The following CAMK2G variants were observed in gnomAD, a reference collection of about 807,000 sequenced individuals.
CAMK2G encodes calcium/calmodulin-dependent protein kinase type II subunit gamma.
In CAMK2G, 23 loss-of-function variants were observed where a neutral mutation model predicts 88.7. That is an observed-to-expected ratio of 0.26 (90% CI 0.19 to 0.37). The LOEUF (loss-of-function observed/expected upper bound fraction) is 0.37. CAMK2G is among the 10% of genes least tolerant of loss of function. The pLI is 1.00. For synonymous variants in CAMK2G, 263 were observed against 294.8 expected (o/e 0.89, Z 1.11); for missense variants, 476 against 780.8 (o/e 0.61, Z 4.65).
intron 19 of CAMK2G, chr10:73,817,894 G>T (rs140307435): frequency 6.3e-6 from 2 of 315,738 alleles, no homozygotes; most frequent in East Asian, 1.1e-4. Context: ...CCCCTCCCCT[G>T]TATGAGCAGC....
chr10:73,868,387 G>A (rs1486554291), intron 2 of CAMK2G, among the ~76,000 whole-genome samples: 1 of 152,186 alleles, frequency 6.6e-6, no homozygotes. Context: ...GAGGGGGACA[G>A]GCCAGTGTTG....
intron 19 of CAMK2G, chr10:73,818,892 G>GT (rs1565165561): frequency 2.2e-6 from 1 of 449,572 alleles, no homozygotes; most frequent in East Asian, 7.0e-5. Flanking sequence ...CAGCACAGAC[G>GT]TAACTAGAAA....
chr10:73,842,679 C>T lies in CAMK2G; in HGVS notation c.820-138G>A, dbSNP rs1239983977. The T allele has an allele frequency of 6.3e-6, 4 of 638,770 alleles. No individual in the cohort carries two copies. The highest frequency in any genetic ancestry group is 1.1e-5 in the Non-Finnish European group (4 of 359,186). The allele number at this position is 638,770 out of a possible 1,614,324, so 39.6% of individuals were successfully genotyped here. A position where few individuals can be genotyped will look rare whatever the true frequency, so the allele number is the denominator to read the frequency against. On this transcript the variant is annotated intron_variant, in intron 10 of 22. Coordinates refer to ENST00000423381, the MANE Select transcript of CAMK2G (RefSeq NM_001367534.1). This position sits in a 1 kb window ranked among gnomAD's most constrained non-coding sequence, Gnocchi z 4.6. ...TTGCTCTGAAGATGAAATGAGGTCA[C>T]AGATGTGAAAACGCTTTTAGAATAA...
chr10:73,867,419 G>A (rs966696952), intron 2 of CAMK2G, among the ~76,000 whole-genome samples: 5 of 152,224 alleles, frequency 3.3e-5, no homozygotes, highest in Non-Finnish European at 7.3e-5. Context: ...CAGGGCTCCC[G>A]GTGCCTGCAG....
intron 2 of CAMK2G, among the ~76,000 whole-genome samples, chr10:73,868,809 C>A (rs2095690858): frequency 6.6e-6 from 1 of 152,210 alleles, no homozygotes; most frequent in African/African-American, 2.4e-5. Flanking sequence ...GGCGGGGACT[C>A]TCAGCTGGCA....
At chr10:73,860,625 G>A (rs541329465) in intron 3 of CAMK2G, among the ~76,000 whole-genome samples, 1 of 152,200 alleles carries the variant, frequency 6.6e-6, no homozygotes, top group Non-Finnish European at 1.5e-5. Flanking sequence ...CCAGCCCTGA[G>A]AAGGTGCCGC....
intron 10 of CAMK2G, 73 bp downstream of exon 10, chr10:73,847,152 G>A: frequency 6.7e-7 from 1 of 1,497,316 alleles, no homozygotes; most frequent in Non-Finnish European, 9.3e-7. Context: ...CTGGTAAGAA[G>A]GAGGGGGTGG....
chr10:73,815,180 C>G lies in CAMK2G; in HGVS notation c.1602G>C (p.Glu534Asp). 1.9e-6 allele frequency: 3 copies of G among 1,614,260 alleles called. No homozygotes were observed. Among genetic ancestry groups the G allele is most frequent in the Non-Finnish European group, 8.5e-7 (1 of 1,180,042 alleles). Residue 534 changes from glutamate to aspartate, a missense_variant, in exon 22 of 23, where the codon GAG becomes GAC. By Grantham distance (45) the Glu-to-Asp change is conservative. This residue lies in a region of CAMK2G where 278 missense variants were observed against 366.5 expected (regional missense o/e 0.76). Transcript: ENST00000423381. Reference protein sequence around the residue: ...ILNPHVHVIGEDAACIAYIRL... With the variant: ...ILNPHVHVIGDDAACIAYIRL... Reference sequence around the variant, plus strand: ...GGATGTAGGCGATGCACGCTGCGTCCTCCCCAATCACGTGGACGTGTGGGT... The same window carrying G: ...GGATGTAGGCGATGCACGCTGCGTCGTCCCCAATCACGTGGACGTGTGGGT...
At chr10:73,871,625 C>T (rs1326219686) in intron 2 of CAMK2G, among the ~76,000 whole-genome samples, 1 of 152,132 alleles carries the variant, frequency 6.6e-6, no homozygotes, top group Non-Finnish European at 1.5e-5. Flanking sequence ...TGTTGTCCCC[C>T]CCACCCCCAC....
chr10:73,873,244 G>T, intron 1 of CAMK2G, 161 bp from the exon 2 acceptor site: 1 of 1,041,608 alleles, frequency 9.6e-7, no homozygotes, highest in Non-Finnish European at 1.4e-6. Context: ...CCAACATGAG[G>T]CAAAAGGACG....
At chr10:73,831,766 G>C (rs1353921612) in intron 14 of CAMK2G, among the ~76,000 whole-genome samples, 1 of 146,704 alleles carries the variant, frequency 6.8e-6, no homozygotes, top group Non-Finnish European at 1.5e-5. Context: ...AGGCTGAGGT[G>C]GAAGAATCAC....
chr10:73,845,563 C>T (rs191529332), intron 10 of CAMK2G, among the ~76,000 whole-genome samples: 5 of 147,326 alleles, frequency 3.4e-5, no homozygotes, highest in South Asian at 2.1e-4. Context: ...GGCGACAGAG[C>T]GAGACTCCAT....
intron 12 of CAMK2G, among the ~76,000 whole-genome samples, chr10:73,840,298 C>T (rs541568647): frequency 6.6e-6 from 1 of 152,348 alleles, no homozygotes; most frequent in African/African-American, 2.4e-5. Context: ...GCAATACACT[C>T]TGGAGGCCCC....
At chr10:73,865,688 C>T (rs759664369) in intron 2 of CAMK2G, among the ~76,000 whole-genome samples, 6 of 152,196 alleles carry the variant, frequency 3.9e-5, no homozygotes, top group African/African-American at 7.2e-5. Context: ...CCAAAAAGGG[C>T]GAGGCCACTG....
At chr10:73,814,968 C>T (rs751519320) in intron 22 of CAMK2G, 35 bp downstream of exon 22, 60 of 1,445,490 alleles carry the variant, frequency 4.2e-5, no homozygotes, top group Non-Finnish European at 5.4e-5. Context: ...TATCCCAGGC[C>T]CTTCCAGCCC....
intron 2 of CAMK2G, among the ~76,000 whole-genome samples, chr10:73,871,499 T>C (rs1349015048): frequency 6.6e-6 from 1 of 152,156 alleles, no homozygotes; most frequent in Non-Finnish European, 1.5e-5. Flanking sequence ...CCAGCCCTGT[T>C]TCTGATGCAC....
At chr10:73,857,926 C>A (rs1202874493) in intron 3 of CAMK2G, among the ~76,000 whole-genome samples, 1 of 152,214 alleles carries the variant, frequency 6.6e-6, no homozygotes, top group Non-Finnish European at 1.5e-5. Context: ...CAAAATTGAG[C>A]GGAAAGTACA....
chr10:73,839,715 C>G lies in CAMK2G; in HGVS notation c.947-114G>C. ...AGGCGGCGTGGCCAAGCCAGCCGAG[C>G]TGGGGGAGCGGAGCGCCAGGGGCAG... On this transcript the variant is annotated intron_variant, in intron 12 of 22. Coordinates refer to ENST00000423381, the MANE Select transcript of CAMK2G (RefSeq NM_001367534.1). This position sits in a 1 kb window ranked among gnomAD's most constrained non-coding sequence, Gnocchi z 4.2. The G allele has an allele frequency of 7.1e-6, 4 of 563,378 alleles. No homozygotes were observed. Among genetic ancestry groups the G allele is most frequent in the African/African-American group, 1.9e-5 (1 of 51,558 alleles). 34.9% of individuals were successfully genotyped at this position (563,378 alleles called of 1,614,324 possible).
At chr10:73,853,091 C>G in intron 4 of CAMK2G, 101 bp downstream of exon 4, 1 of 1,094,908 alleles carries the variant, frequency 9.1e-7, no homozygotes, top group Non-Finnish European at 1.4e-6. Flanking sequence ...AGGAGGGGGC[C>G]CTGGGCGGAG....
Sources: gnomAD v4.1 joint callset for allele counts (sites outside exome capture counted in the v4.1 genomes callset) on GRCh38, gnomAD v4.1.1 for gene constraint, gnomAD v4.1.1 regional missense constraint, Gnocchi (gnomAD v3.1) non-coding constraint, MANE v1.5 for transcripts, NCBI Gene and HGNC (gene_info 2026-07-23, HGNC 2026-07-21) for gene names.